DCC: variants seen among roughly 807,000 people sequenced by gnomAD.
DCC encodes the protein DCC netrin 1 receptor, also known as netrin receptor DCC.
In DCC, 58 loss-of-function variants were observed where a neutral mutation model predicts 172.5. That is an observed-to-expected ratio of 0.34 (90% confidence interval 0.27 to 0.42). DCC has a LOEUF of 0.42. Ranked by LOEUF, DCC falls within the 10% of genes least tolerant of loss-of-function variation. The pLI is 1.00. For missense variants in DCC, 1,740 were observed against 1,791.0 expected (o/e 0.97, Z 0.51); for synonymous variants, 709 against 644.5 (o/e 1.10, Z -1.52).
chr18:53,328,139 G>A (rs1158333400), intron 14 of DCC, among the ~76,000 whole-genome samples: 2 of 152,196 alleles, frequency 1.3e-5, no homozygotes, highest in African/African-American at 4.8e-5. Flanking sequence ...ACAAAGGATG[G>A]CACAGGTTGC....
chr18:52,736,170 T>C (rs1253700337), intron 1 of DCC, among the ~76,000 whole-genome samples: 1 of 152,050 alleles, frequency 6.6e-6, no homozygotes, highest in East Asian at 1.9e-4. Flanking sequence ...GTCAGGACAG[T>C]TAACCTCTCT....
chr18:53,030,109 C>T (rs1257344423), intron 5 of DCC, among the ~76,000 whole-genome samples: 1 of 152,160 alleles, frequency 6.6e-6, no homozygotes, highest in Non-Finnish European at 1.5e-5. Context: ...GAATGTCTAG[C>T]ACAATGCACT....
intron 2 of DCC, among the ~76,000 whole-genome samples, chr18:52,905,490 C>T (rs1161272906): frequency 6.6e-6 from 1 of 152,198 alleles, no homozygotes; most frequent in Non-Finnish European, 1.5e-5. Context: ...TTACCTTAAG[C>T]AGTAAACCCT....
chr18:52,441,788 A>G (rs1987976692), intron 1 of DCC, among the ~76,000 whole-genome samples: 1 of 152,244 alleles, frequency 6.6e-6, no homozygotes, highest in African/African-American at 2.4e-5. Context: ...CCCACAAAGG[A>G]AAATTAAATG....
intron 1 of DCC, among the ~76,000 whole-genome samples, chr18:52,719,656 C>T (rs1379478785): frequency 4.6e-5 from 7 of 151,730 alleles, no homozygotes; most frequent in African/African-American, 9.7e-5. Context: ...TACAGTGCGG[C>T]ATATCATTAG....
chr18:53,456,742 C>T (rs762769950), intron 23 of DCC, among the ~76,000 whole-genome samples: 5 of 152,180 alleles, frequency 3.3e-5, no homozygotes, highest in Non-Finnish European at 7.3e-5. Context: ...AACCACTGTA[C>T]TAGGAGCACC....
At chr18:52,949,440 C>G (rs187725795) in intron 5 of DCC, among the ~76,000 whole-genome samples, 1 of 152,316 alleles carries the variant, frequency 6.6e-6, no homozygotes, top group East Asian at 1.9e-4. Flanking sequence ...TCAAGAAGAA[C>G]AGTTTGAATA....
At chr18:52,789,544 C>T (rs62083261) in intron 2 of DCC, among the ~76,000 whole-genome samples, 3,823 of 152,300 alleles carry the variant, frequency 0.025, 67 homozygotes, top group Middle Eastern at 0.078. Flanking sequence ...TGTTACTCAA[C>T]TTTAGCCACG....
chr18:53,016,790 T>C (rs1162105236), intron 5 of DCC, among the ~76,000 whole-genome samples: 2 of 152,250 alleles, frequency 1.3e-5, no homozygotes, highest in East Asian at 3.9e-4. Context: ...TATATTTGTT[T>C]TCAAAAGATT....
intron 1 of DCC, among the ~76,000 whole-genome samples, chr18:52,582,733 T>C (rs2033580932): frequency 1.3e-5 from 2 of 152,180 alleles, no homozygotes; most frequent in Admixed American, 6.5e-5. Flanking sequence ...CGTGTAAAGT[T>C]CCTCAAATGG....
In DCC at chr18:53,391,845, C is replaced by T. The variant is rs1007955225; in HGVS notation, c.2646C>T (p.Thr882=). ...AGACGTCTGAGGTGCGACTTTACAC[C>T]GTCCGGTGGAGAACCAGCTTTTCTG... ...NQKTSEVRLY[T]VRWRTSFSAS... is the part of the protein sequence containing the mutation. The change falls in exon 17 of 29, where the codon ACC becomes ACT. Residue 882 remains threonine (T), a synonymous_variant. Transcript: ENST00000442544. 1.9e-5 allele frequency: 30 copies of T among 1,613,128 alleles called. No individual in the cohort carries two copies. Among genetic ancestry groups the T allele is most frequent in the South Asian group, 4.4e-5 (4 of 91,060 alleles).
intron 5 of DCC, among the ~76,000 whole-genome samples, chr18:52,960,754 T>C (rs1297192646): frequency 6.6e-6 from 1 of 152,166 alleles, no homozygotes; most frequent in African/African-American, 2.4e-5. Flanking sequence ...ACACGGTTAC[T>C]CTCATAAAAC....
chr18:52,626,717 CA>C (rs2034580442), intron 1 of DCC, among the ~76,000 whole-genome samples: 1 of 152,156 alleles, frequency 6.6e-6, no homozygotes, highest in East Asian at 1.9e-4. Context: ...AAAAAAATTC[CA>C]AAAAACAAAT....
intron 1 of DCC, among the ~76,000 whole-genome samples, chr18:52,439,174 T>TTTTGTGTGTGTGTGTG (rs74178668): frequency 2.8e-5 from 4 of 144,850 alleles, no homozygotes; most frequent in Admixed American, 2.1e-4. Flanking sequence ...AAGATATGTT[T>TTTTGTGTGTGTGTGTG]TGTGTGTGTG....
At chr18:52,929,990 T>G (rs1271215850) in intron 5 of DCC, among the ~76,000 whole-genome samples, 1 of 152,054 alleles carries the variant, frequency 6.6e-6, no homozygotes, top group Non-Finnish European at 1.5e-5. Context: ...CAGTTCTAAT[T>G]TTTTTTTCTT....
intron 16 of DCC, among the ~76,000 whole-genome samples, chr18:53,390,857 G>C (rs906383519): frequency 5.9e-5 from 9 of 152,126 alleles, no homozygotes; most frequent in African/African-American, 1.9e-4. Flanking sequence ...AAAATTGTAG[G>C]AATGTGTAAT....
At chr18:52,731,328 A>G (rs1361303724) in intron 1 of DCC, among the ~76,000 whole-genome samples, 1 of 152,236 alleles carries the variant, frequency 6.6e-6, no homozygotes, top group Admixed American at 6.5e-5. Flanking sequence ...TGCATTGCTA[A>G]CTGTCCTCTG....
intron 15 of DCC, among the ~76,000 whole-genome samples, chr18:53,358,275 GTTTTC>G (rs2057900993): frequency 6.6e-6 from 1 of 151,958 alleles, no homozygotes; most frequent in African/African-American, 2.4e-5. Flanking sequence ...CTGAGTTACA[GTTTTC>G]TTTTCAAATG....
chr18:52,801,237 G>A (rs2037979460), intron 2 of DCC, among the ~76,000 whole-genome samples: 1 of 152,140 alleles, frequency 6.6e-6, no homozygotes, highest in Non-Finnish European at 1.5e-5. Context: ...ACCATTTTTA[G>A]AATTTGCCAC....
Sources: gnomAD v4.1 joint callset for allele counts (sites outside exome capture counted in the v4.1 genomes callset) on GRCh38, gnomAD v4.1.1 for gene constraint, MANE v1.5 for transcripts, NCBI Gene and HGNC (gene_info 2026-07-23, HGNC 2026-07-21) for gene names.